The following GMEB1 variants were observed in gnomAD, a reference collection of about 807,000 sequenced individuals.
GMEB1 encodes glucocorticoid modulatory element-binding protein 1.
A neutral mutation model predicts 52.4 loss-of-function variants in GMEB1; 6 were observed. The observed-to-expected ratio is 0.11, with a 90% CI of 0.06 to 0.23. The LOEUF (loss-of-function observed/expected upper bound fraction) is 0.23. GMEB1 is among the 10% of genes least tolerant of loss of function. GMEB1 has a pLI of 1.00. For synonymous variants in GMEB1, 255 were observed against 244.9 expected (o/e 1.04, Z -0.38); for missense variants, 486 against 685.6 (o/e 0.71, Z 3.25).
chr1:28,700,408 G>A (rs935755048), intron 6 of GMEB1, among the ~76,000 whole-genome samples: 6 of 151,708 alleles, frequency 4.0e-5, no homozygotes, highest in African/African-American at 7.3e-5. Flanking sequence ...CAGCTACTCC[G>A]GAGGCTGAGG....
rs1275606074 is a variant in GMEB1, at chr1:28,714,260, A to G, written c.1179A>G (p.Thr393=). ...CTCCTGTCCAGCAGCCTCAGTTCAC[A>G]GTCATCTCACCCATCACCATCACCC... is the stretch of plus-strand genomic sequence containing the variant. ...PSPPVQQPQF[T]VISPITITPV... is the part of the protein sequence containing the mutation. The change falls in exon 10 of 10, where the codon ACA becomes ACG. Residue 393 remains threonine (T), a synonymous_variant. Coordinates refer to ENST00000373816, the MANE Select transcript of GMEB1 (RefSeq NM_001319674.2). 2 of 1,614,162 alleles carry G rather than the reference A, an allele frequency of 1.2e-6. No homozygotes were observed. Among genetic ancestry groups the G allele is most frequent in the South Asian group, 2.2e-5 (2 of 91,080 alleles).
At chr1:28,707,842 G>C (rs1363302585) in intron 8 of GMEB1, among the ~76,000 whole-genome samples, 1 of 152,068 alleles carries the variant, frequency 6.6e-6, no homozygotes, top group Non-Finnish European at 1.5e-5. Context: ...GGTGACTGTG[G>C]AAGGGAATGT....
In GMEB1 at chr1:28,687,338, A is replaced by T. The variant is rs578242520; in HGVS notation, c.129-2766A>T. Among the ~76,000 whole-genome samples, 185 of 27,022 alleles carry T rather than the reference A, an allele frequency of 6.8e-3. 2 individuals are homozygous for T. Among genetic ancestry groups the T allele is most frequent in the African/African-American group, 0.029 (168 of 5,826 alleles). The allele number at this position is 27,022 out of a possible 152,430, so 17.7% of individuals were successfully genotyped here. A position where few individuals can be genotyped will look rare whatever the true frequency, so the allele number is the denominator to read the frequency against. ...GCAACAGAATGAGACCCTATCTCAC[A>T]CACACACACACACACACACACACAC... On this transcript the variant is annotated intron_variant, in intron 2 of 9. Transcript: ENST00000373816.
In GMEB1 at chr1:28,686,858, A is replaced by G. The variant is rs1054431781; in HGVS notation, c.128+3118A>G. 2.6e-5 allele frequency among the ~76,000 whole-genome samples: 4 copies of G among 152,092 alleles called. No homozygotes were observed. In the East Asian group the frequency reaches 7.7e-4, roughly 29 times the overall value. The stretch of plus-strand genomic sequence containing the variant: ...ACAAAATTGAATAAATGAATAAGCC[A>G]TAATCTGTGCACTTGGGGACCTCTT... On this transcript the variant is annotated intron_variant, in intron 2 of 9. Coordinates refer to ENST00000373816, the MANE Select transcript of GMEB1 (RefSeq NM_001319674.2).
At chr1:28,706,449 C>A (rs1670770711) in intron 8 of GMEB1, among the ~76,000 whole-genome samples, 1 of 151,626 alleles carries the variant, frequency 6.6e-6, no homozygotes, top group African/African-American at 2.4e-5. Flanking sequence ...TACAAAAATA[C>A]AAAAATCCGC....
rs147178559 is a variant in GMEB1, at chr1:28,670,663, C to T, written c.-31+1824C>T. Among the ~76,000 whole-genome samples the T allele has an allele frequency of 8.8e-4, 134 of 151,846 alleles. 1 individual carries two copies. The East Asian group carries it at 0.023, about 26-fold the overall frequency. On this transcript the variant is annotated intron_variant, in intron 1 of 9. Coordinates refer to ENST00000373816, the MANE Select transcript of GMEB1 (RefSeq NM_001319674.2). ...AATTTTTTTGTGTTTTTAGTAGAGA[C>T]GGGGTTTCACCATGTTAGCCAGGAT...
chr1:28,693,786 A>AT (rs1670076319), intron 5 of GMEB1, among the ~76,000 whole-genome samples: 1 of 152,184 alleles, frequency 6.6e-6, no homozygotes, highest in African/African-American at 2.4e-5. Context: ...CAAAAAAAGG[A>AT]TAACATTTTT....
At chr1:28,691,140 A>T (rs1178222579) in intron 3 of GMEB1, among the ~76,000 whole-genome samples, 1 of 151,686 alleles carries the variant, frequency 6.6e-6, no homozygotes, top group Non-Finnish European at 1.5e-5. Context: ...AAAATACAAA[A>T]ATTAGCCGGG....
chr1:28,714,098 G>A lies in GMEB1; in HGVS notation c.1017G>A (p.Gln339=), dbSNP rs1469750696. 6.2e-7 allele frequency: 1 copy of A among 1,611,454 alleles called. No homozygotes were observed. The highest frequency in any genetic ancestry group is 1.7e-5 in the Admixed American group (1 of 59,938). ...ACTTGGAACGCCAGTTGGAGGAGCA[G>A]AAGAAGCAAGGCCAGGATCACAGGC... ...LTDLERQLEE[Q]KKQGQDHRLK... Residue 339 remains glutamine, a synonymous_variant, in exon 10 of 10, where the codon CAG becomes CAA. Coordinates refer to ENST00000373816, the MANE Select transcript of GMEB1 (RefSeq NM_001319674.2).
chr1:28,705,098 A>C (rs1463520571), intron 8 of GMEB1, among the ~76,000 whole-genome samples: 1 of 151,296 alleles, frequency 6.6e-6, no homozygotes, highest in Non-Finnish European at 1.5e-5. Flanking sequence ...AAAAAAAAAA[A>C]AAAACACAGG....
intron 1 of GMEB1, among the ~76,000 whole-genome samples, chr1:28,675,182 T>C (rs1669093960): frequency 6.6e-6 from 1 of 151,592 alleles, no homozygotes; most frequent in African/African-American, 2.4e-5. Context: ...CACGCTGAGC[T>C]AATTTTTTGT....
intron 1 of GMEB1, among the ~76,000 whole-genome samples, chr1:28,679,035 G>A (rs895451736): frequency 2.6e-5 from 4 of 151,072 alleles, no homozygotes; most frequent in Non-Finnish European, 4.4e-5. Flanking sequence ...CTCAACCTCC[G>A]GCTAATTATG....
intron 1 of GMEB1, among the ~76,000 whole-genome samples, chr1:28,676,749 A>ATAAC (rs1426622471): frequency 4.0e-5 from 6 of 151,824 alleles, no homozygotes; most frequent in African/African-American, 1.2e-4. Flanking sequence ...AAATAAATAA[A>ATAAC]TACAAATAAA....
At chr1:28,702,965 C>T (rs998281846) in intron 7 of GMEB1, among the ~76,000 whole-genome samples, 6 of 151,892 alleles carry the variant, frequency 4.0e-5, no homozygotes, top group East Asian at 1.9e-4. Context: ...TGCAGTGAGC[C>T]GAGATCGCGC....
intron 6 of GMEB1, among the ~76,000 whole-genome samples, chr1:28,698,008 C>T (rs757778022): frequency 2.0e-5 from 3 of 152,072 alleles, no homozygotes; most frequent in African/African-American, 7.2e-5. Context: ...GGTGTGGTGG[C>T]GTGCACCTGC....
chr1:28,677,820 A>G (rs1669224489), intron 1 of GMEB1, among the ~76,000 whole-genome samples: 1 of 152,100 alleles, frequency 6.6e-6, no homozygotes, highest in Non-Finnish European at 1.5e-5. Flanking sequence ...GAACCAGTTC[A>G]TTGATTTTTA....
intron 6 of GMEB1, among the ~76,000 whole-genome samples, chr1:28,699,618 C>T (rs1215086966): frequency 6.6e-6 from 1 of 151,930 alleles, no homozygotes; most frequent in Non-Finnish European, 1.5e-5. Flanking sequence ...TTAGTAGAGA[C>T]GGAGTTTCAC....
chr1:28,694,597 A>G lies in GMEB1; in HGVS notation c.440+1552A>G, dbSNP rs1670112916. Among the ~76,000 whole-genome samples, 3 of 151,816 alleles carry G rather than the reference A, an allele frequency of 2.0e-5. No homozygotes were observed. The South Asian group carries it at 6.2e-4, about 32-fold the overall frequency. On this transcript the variant is annotated intron_variant, in intron 5 of 9. Transcript: ENST00000373816. ...CAGCCTCAATCTCCTCAGCTCAAGC[A>G]GCCCTCCAAAGTAGGTTGGACTACA...
chr1:28,703,786 T>C lies in GMEB1; in HGVS notation c.731-406T>C, dbSNP rs1670625210. Among the ~76,000 whole-genome samples, 2 of 152,288 alleles carry C rather than the reference T, an allele frequency of 1.3e-5. 1 individual carries two copies. The highest frequency in any genetic ancestry group is 3.9e-4 in the East Asian group (2 of 5,194). Reference sequence around the variant, plus strand: ...CTTAAGTATAGGACTAGAGAGAGTATATCTTAATTAATATTTCATTTCTTT... The same window carrying C: ...CTTAAGTATAGGACTAGAGAGAGTACATCTTAATTAATATTTCATTTCTTT... On this transcript the variant is annotated intron_variant, in intron 7 of 9. Transcript: ENST00000373816.
Sources: allele counts gnomAD v4.1 joint callset (sites outside exome capture counted in the v4.1 genomes callset), GRCh38; gene constraint gnomAD v4.1.1; transcripts MANE v1.5; gene names NCBI Gene and HGNC (gene_info 2026-07-23, HGNC 2026-07-21).